The following ASTN2 variants were observed in gnomAD, a reference collection of about 807,000 sequenced individuals.
The protein encoded by ASTN2 is astrotactin 2.
In ASTN2, 54 loss-of-function variants were observed where a neutral mutation model predicts 139.8. The observed-to-expected ratio is 0.39, with a 90% CI of 0.31 to 0.48. The LOEUF is 0.48. Ranked by LOEUF, ASTN2 falls within the 20% of genes least tolerant of loss-of-function variation. The pLI, the probability that ASTN2 is intolerant of heterozygous loss-of-function variation, is 0.95. For synonymous variants in ASTN2, 756 were observed against 719.5 expected (o/e 1.05, Z -0.81); for missense variants, 1,565 against 1,725.1 (o/e 0.91, Z 1.64).
At chr9:116,845,137 C>T (rs991764586) in intron 11 of ASTN2, among the ~76,000 whole-genome samples, 1 of 152,056 alleles carries the variant, frequency 6.6e-6, no homozygotes, top group Non-Finnish European at 1.5e-5. Context: ...TTTTTTGAGA[C>T]GGAGTCTCAC....
At chr9:117,250,255 C>T (rs578069951) in intron 2 of ASTN2, among the ~76,000 whole-genome samples, 3 of 152,328 alleles carry the variant, frequency 2.0e-5, no homozygotes, top group Admixed American at 6.5e-5. Context: ...TTCTTTTCAA[C>T]CTCTTTGATC....
intron 14 of ASTN2, among the ~76,000 whole-genome samples, chr9:116,729,556 G>A (rs1285312060): frequency 6.6e-6 from 1 of 152,214 alleles, no homozygotes; most frequent in Non-Finnish European, 1.5e-5. Flanking sequence ...GTAAACTACA[G>A]CCTATTTGTT....
At chr9:117,308,119 C>A (rs527504729) in intron 1 of ASTN2, among the ~76,000 whole-genome samples, 2 of 152,194 alleles carry the variant, frequency 1.3e-5, no homozygotes, top group East Asian at 3.8e-4. Context: ...CAGCTCCAGG[C>A]GGCCCAGTGA....
intron 20 of ASTN2, among the ~76,000 whole-genome samples, chr9:116,448,562 T>C (rs1848077135): frequency 6.6e-6 from 1 of 152,208 alleles, no homozygotes; most frequent in Non-Finnish European, 1.5e-5. Flanking sequence ...CTCCACTGGA[T>C]TCCGTGGCAA....
At chr9:116,439,091 G>A (rs1434090407) in intron 22 of ASTN2, among the ~76,000 whole-genome samples, 1 of 150,470 alleles carries the variant, frequency 6.6e-6, no homozygotes, top group African/African-American at 2.4e-5. Flanking sequence ...CACTTTTGTT[G>A]CTTTTGTTCA....
chr9:116,633,734 C>T (rs1462273003), intron 17 of ASTN2, among the ~76,000 whole-genome samples: 3 of 152,140 alleles, frequency 2.0e-5, no homozygotes, highest in Non-Finnish European at 4.4e-5. Context: ...GGGAGGAAGC[C>T]TCTCCTGCTG....
chr9:117,261,920 G>A (rs941458339), intron 2 of ASTN2, among the ~76,000 whole-genome samples: 5 of 152,192 alleles, frequency 3.3e-5, no homozygotes, highest in Non-Finnish European at 5.9e-5. Context: ...TTTTGCCAAA[G>A]ACTGTGATAG....
chr9:116,678,285 C>T (rs1859628583), intron 16 of ASTN2, among the ~76,000 whole-genome samples: 1 of 152,192 alleles, frequency 6.6e-6, no homozygotes, highest in South Asian at 2.1e-4. Flanking sequence ...CCATGACCAA[C>T]ATCTACAATA....
intron 13 of ASTN2, among the ~76,000 whole-genome samples, chr9:116,805,319 C>G (rs966694404): frequency 4.6e-5 from 7 of 152,006 alleles, no homozygotes; most frequent in Non-Finnish European, 8.8e-5. Context: ...TTTCAGTAGA[C>G]TGAAAGATTA....
At chr9:116,790,203 G>A (rs1284806301) in intron 13 of ASTN2, among the ~76,000 whole-genome samples, 1 of 152,086 alleles carries the variant, frequency 6.6e-6, no homozygotes, top group African/African-American at 2.4e-5. Context: ...TGGGATTGCA[G>A]GCGTGAGCCC....
At chr9:116,737,403 G>A (rs374806716) in intron 13 of ASTN2, among the ~76,000 whole-genome samples, 38 of 152,268 alleles carry the variant, frequency 2.5e-4, no homozygotes, top group African/African-American at 8.2e-4. Flanking sequence ...CTGGCAGGGT[G>A]CTGGCTTAAA....
intron 19 of ASTN2, among the ~76,000 whole-genome samples, chr9:116,609,171 A>G (rs1275235540): frequency 4.0e-5 from 6 of 151,796 alleles, no homozygotes; most frequent in Non-Finnish European, 2.9e-5. Context: ...TGACAAAATA[A>G]TGTCCAAAAA....
At chr9:116,863,803 A>G in intron 10 of ASTN2, 70 bp from the exon 11 acceptor site, 1 of 1,432,840 alleles carries the variant, frequency 7.0e-7, no homozygotes, top group Admixed American at 2.3e-5. Context: ...TAATAATGTG[A>G]ATTCATTACA....
chr9:117,319,517 C>A (rs1029406047), intron 1 of ASTN2, among the ~76,000 whole-genome samples: 1 of 152,054 alleles, frequency 6.6e-6, no homozygotes. Context: ...CAACCTCCAC[C>A]GCCCAGTTCA....
chr9:116,727,013 A>AACAC (rs34050784), intron 15 of ASTN2, among the ~76,000 whole-genome samples: 2,420 of 144,492 alleles, frequency 0.017, 53 homozygotes, highest in African/African-American at 0.052. Flanking sequence ...CACTACACTC[A>AACAC]ACACACACAC....
At chr9:117,079,166 G>A (rs1327567127) in intron 5 of ASTN2, among the ~76,000 whole-genome samples, 5 of 152,148 alleles carry the variant, frequency 3.3e-5, no homozygotes, top group African/African-American at 1.2e-4. Context: ...GACCAGCCTG[G>A]GCAACATAGT....
chr9:117,136,978 G>A (rs1396215164), intron 4 of ASTN2, among the ~76,000 whole-genome samples: 2 of 152,116 alleles, frequency 1.3e-5, no homozygotes, highest in African/African-American at 4.8e-5. Flanking sequence ...ACAAAGTCCC[G>A]CTTTCAAAAA....
chr9:116,671,702 AC>A (rs1588170283), intron 16 of ASTN2, among the ~76,000 whole-genome samples: 2 of 150,268 alleles, frequency 1.3e-5, no homozygotes, highest in South Asian at 2.1e-4. Context: ...TTTAAAAAAA[AC>A]CAAATGAGTC....
intron 5 of ASTN2, among the ~76,000 whole-genome samples, chr9:117,067,438 T>C (rs1159464628): frequency 4.7e-5 from 5 of 105,348 alleles, no homozygotes; most frequent in African/African-American, 1.3e-4. Context: ...AGTCAGGTAG[T>C]GTGATGCCTC....
Sources: gnomAD v4.1 joint callset for allele counts (sites outside exome capture counted in the v4.1 genomes callset) on GRCh38, gnomAD v4.1.1 for gene constraint, MANE v1.5 for transcripts, NCBI Gene and HGNC (gene_info 2026-07-23, HGNC 2026-07-21) for gene names.